RMND1: variants seen among roughly 807,000 people sequenced by gnomAD.
The protein encoded by RMND1 is required for meiotic nuclear division protein 1 homolog.
Under a neutral mutation model 54.0 loss-of-function variants are expected in RMND1, and 41 were observed. The observed-to-expected ratio is 0.76, with a 90% CI of 0.59 to 0.98. The LOEUF (loss-of-function observed/expected upper bound fraction) is 0.98. RMND1 is among the 50% of genes least tolerant of loss of function. RMND1 has a pLI of 0.00. For synonymous variants in RMND1, 183 were observed against 181.7 expected (o/e 1.01, Z -0.06); for missense variants, 457 against 532.0 (o/e 0.86, Z 1.39).
chr6:151,420,251 G>A (rs1159597794), intron 9 of RMND1, among the ~76,000 whole-genome samples: 1 of 152,138 alleles, frequency 6.6e-6, no homozygotes, highest in Non-Finnish European at 1.5e-5. Flanking sequence ...CTTCAGATAT[G>A]CTGCAGGATG....
chr6:151,450,342 C>G (rs943158774), intron 1 of RMND1, among the ~76,000 whole-genome samples: 1 of 149,390 alleles, frequency 6.7e-6, no homozygotes, highest in African/African-American at 2.4e-5. Context: ...GCAGCCACCC[C>G]ATCCGGGAGG....
intron 10 of RMND1, chr6:151,411,921 G>C (rs867029715): frequency 6.6e-6 from 1 of 152,200 alleles, no homozygotes; most frequent in South Asian, 2.1e-4. Flanking sequence ...CAATGTGGTA[G>C]GCAGATTTCT....
intron 9 of RMND1, among the ~76,000 whole-genome samples, chr6:151,420,010 T>C (rs1157529154): frequency 6.6e-6 from 1 of 152,224 alleles, no homozygotes; most frequent in Non-Finnish European, 1.5e-5. Context: ...GCCATGTTTA[T>C]TTTCACAGAT....
chr6:151,411,291 T>C (rs1281094371), intron 10 of RMND1: 1 of 152,200 alleles, frequency 6.6e-6, no homozygotes, highest in Non-Finnish European at 1.5e-5. Flanking sequence ...GGGATATAAA[T>C]AGAGCCACCC....
chr6:151,435,237 CCAGGTT>C (rs1232787794), intron 3 of RMND1, among the ~76,000 whole-genome samples: 1 of 152,126 alleles, frequency 6.6e-6, no homozygotes, highest in Non-Finnish European at 1.5e-5. Context: ...CCTCCACCCT[CCAGGTT>C]CAAGCAATTC....
intron 10 of RMND1, among the ~76,000 whole-genome samples, chr6:151,407,309 GT>G (rs1345100829): frequency 6.6e-6 from 1 of 152,098 alleles, no homozygotes; most frequent in Admixed American, 6.5e-5. Flanking sequence ...TCCCCTCCCT[GT>G]TTTCCTTTCC....
At chr6:151,441,559 C>G (rs752366813) in intron 2 of RMND1, among the ~76,000 whole-genome samples, 26 of 152,110 alleles carry the variant, frequency 1.7e-4, no homozygotes, top group African/African-American at 6.0e-4. Context: ...CAGCCTCACC[C>G]TTAACTTCTG....
Position 151,427,531 on chromosome 6 carries a change from T to A in RMND1, c.781A>T (p.Ile261Phe). Residue 261 changes from isoleucine (I) to phenylalanine (F), a missense_variant, in exon 6 of 12, where the codon ATC (isoleucine) becomes TTC (phenylalanine). Transcript: ENST00000444024. Reference sequence around the variant, plus strand: ...TCATTTTCCCAGTGTACCAGTGCGATTTCATAGGGCTGAATTTCATGTTTT... The same window carrying A: ...TCATTTTCCCAGTGTACCAGTGCGAATTCATAGGGCTGAATTTCATGTTTT... Reference protein sequence around the residue: ...LEKHEIQPYEIALVHWENEEL... With the variant: ...LEKHEIQPYEFALVHWENEEL... The A allele has an allele frequency of 6.2e-7, 1 of 1,613,054 alleles. No individual in the cohort carries two copies. Among genetic ancestry groups the A allele is most frequent in the South Asian group, 1.1e-5 (1 of 91,056 alleles).
At chr6:151,449,060 C>CAAAAAAAAAAAAAAAAA (rs71014585) in intron 1 of RMND1, among the ~76,000 whole-genome samples, 1 of 18,678 alleles carries the variant, frequency 5.4e-5, no homozygotes, top group African/African-American at 2.5e-4. Context: ...GACTCTGTCT[C>CAAAAAAAAAAAAAAAAA]AAAAAAAAAA....
At chr6:151,450,942 C>CA (rs961492528) in intron 1 of RMND1, among the ~76,000 whole-genome samples, 5 of 152,288 alleles carry the variant, frequency 3.3e-5, no homozygotes, top group East Asian at 1.9e-4. Context: ...TGTGTCCACT[C>CA]AGAGTTGAAT....
At chr6:151,408,330 A>G (rs979649946) in intron 10 of RMND1, among the ~76,000 whole-genome samples, 1 of 152,102 alleles carries the variant, frequency 6.6e-6, no homozygotes, top group Non-Finnish European at 1.5e-5. Context: ...CGTCTCTACT[A>G]AAAATAGAAA....
chr6:151,439,911 C>T (rs1419792340), intron 2 of RMND1, among the ~76,000 whole-genome samples: 4 of 152,132 alleles, frequency 2.6e-5, no homozygotes, highest in East Asian at 3.9e-4. Context: ...CCTCCCGCCT[C>T]GGCCTCCCAC....
chr6:151,410,575 A>G (rs1193431579), intron 10 of RMND1, among the ~76,000 whole-genome samples: 26 of 152,138 alleles, frequency 1.7e-4, no homozygotes, highest in Admixed American at 1.7e-3. Flanking sequence ...CCTTTTAGGT[A>G]TGCTTCATAA....
intron 1 of RMND1, among the ~76,000 whole-genome samples, chr6:151,450,141 C>T (rs1027255231): frequency 1.1e-3 from 130 of 122,018 alleles, no homozygotes; most frequent in Middle Eastern, 4.2e-3. Context: ...TCTGCCCGGC[C>T]GCCATCCCAT....
Position 151,427,593 on chromosome 6 carries a change from AG to A in RMND1, c.730-12del, listed in dbSNP as rs756604818. Reference sequence around the variant, plus strand: ...CATCACATGCTTCATCTAGAAGAAAAGGAAGATTAATCTGAAATCATAACTG... The same window carrying A: ...CATCACATGCTTCATCTAGAAGAAAAGAAGATTAATCTGAAATCATAACTG... On this transcript the variant is annotated splice_polypyrimidine_tract_variant and intron_variant, in intron 5 of 11. Coordinates refer to ENST00000444024, the MANE Select transcript of RMND1 (RefSeq NM_017909.4). 1.2e-5 allele frequency: 19 copies of A among 1,547,398 alleles called. No individual in the cohort carries two copies. Among genetic ancestry groups the A allele is most frequent in the Middle Eastern group, 1.7e-4 (1 of 5,976 alleles).
chr6:151,447,440 A>C (rs2114974193), intron 1 of RMND1, among the ~76,000 whole-genome samples: 1 of 152,314 alleles, frequency 6.6e-6, no homozygotes, highest in Middle Eastern at 3.4e-3. Context: ...CATTTCACTG[A>C]TTAGGAAACT....
At chr6:151,417,482 T>A in intron 9 of RMND1, 83 bp from the exon 10 acceptor site, 1 of 1,212,072 alleles carries the variant, frequency 8.3e-7, no homozygotes, top group Non-Finnish European at 1.1e-6. Flanking sequence ...TACATAGTGC[T>A]TTATGAAAAC....
intron 1 of RMND1, among the ~76,000 whole-genome samples, chr6:151,449,701 C>G (rs955341253): frequency 7.9e-5 from 12 of 152,176 alleles, no homozygotes; most frequent in Admixed American, 2.6e-4. Context: ...GATGCCGAGC[C>G]GAAGCTGGAC....
At chr6:151,412,830 G>T (rs9479034) in intron 10 of RMND1, among the ~76,000 whole-genome samples, 15,388 of 152,028 alleles carry the variant, frequency 0.1, 2,325 homozygotes, top group African/African-American at 0.33. Flanking sequence ...ACAACCTCAC[G>T]AGAACTCACT....
Sources: allele counts gnomAD v4.1 joint callset (sites outside exome capture counted in the v4.1 genomes callset), GRCh38; gene constraint gnomAD v4.1.1; transcripts MANE v1.5; gene names NCBI Gene and HGNC (gene_info 2026-07-23, HGNC 2026-07-21).